Variants in MTHFD1L observed in about 807,000 individuals in gnomAD.
The protein encoded by MTHFD1L is monofunctional C1-tetrahydrofolate synthase, mitochondrial.
In MTHFD1L, 81 loss-of-function variants were observed where a neutral mutation model predicts 119.5. The ratio of observed to expected loss-of-function variants is 0.68; its 90% CI spans 0.57 to 0.82. The LOEUF is 0.82. Ranked by LOEUF, MTHFD1L falls within the 40% of genes least tolerant of loss-of-function variation. The pLI, the probability that MTHFD1L is intolerant of heterozygous loss-of-function variation, is 0.00. For synonymous variants in MTHFD1L, 430 were observed against 475.2 expected, an observed-to-expected ratio of 0.90 and a Z score of 1.24; for missense variants, 1,125 against 1,253.4, an observed-to-expected ratio of 0.90 and a Z score of 1.55.
At position 150,926,077 on chromosome 6, in the gene MTHFD1L, A is replaced by C. The variant is rs1278171225; in HGVS notation, c.1083-45A>C. The C allele has an allele frequency of 4.5e-6, 7 of 1,565,842 alleles. No homozygotes were observed. Among genetic ancestry groups the C allele is most frequent in the Non-Finnish European group, 6.1e-6 (7 of 1,148,530 alleles). On this transcript the variant is annotated intron_variant, in intron 10 of 27. Coordinates refer to ENST00000367321, the MANE Select transcript of MTHFD1L (RefSeq NM_015440.5). This position sits in a 1 kb window ranked among gnomAD's most constrained non-coding sequence, Gnocchi z 4.3. ...GTTTTCACTCCAGTTGTGACCACCT[A>C]AGCTGAGAAGCCTTTTCTCTCTTTC...
intron 21 of MTHFD1L, among the ~76,000 whole-genome samples, chr6:151,012,019 CAAAAAAAAA>C (rs1043831602): frequency 5.4e-4 from 32 of 58,818 alleles, no homozygotes; most frequent in East Asian, 5.1e-3. Context: ...ACAACAACAA[CAAAAAAAAA>C]AAAAAAAAAA....
At chr6:151,066,315 T>C (rs952447870) in intron 26 of MTHFD1L, among the ~76,000 whole-genome samples, 1 of 151,016 alleles carries the variant, frequency 6.6e-6, no homozygotes, top group African/African-American at 2.4e-5. Context: ...CAGGCACCTG[T>C]AGTCCCAGCT....
intron 24 of MTHFD1L, among the ~76,000 whole-genome samples, chr6:151,019,870 G>A (rs541900): frequency 1.3e-5 from 2 of 151,826 alleles, no homozygotes; most frequent in African/African-American, 2.4e-5. Context: ...TCTTTGCCCC[G>A]GATTTCTTGC....
At chr6:151,092,615 CTCTT>C (rs1406827726) in intron 27 of MTHFD1L, 28 bp downstream of exon 27, 7 of 1,426,116 alleles carry the variant, frequency 4.9e-6, no homozygotes, top group East Asian at 2.3e-5. Context: ...AACTTTTTCT[CTCTT>C]TGTTTTTTTC....
chr6:150,956,116 A>G (rs761507097), intron 17 of MTHFD1L, 45 bp downstream of exon 17: 1 of 1,563,700 alleles, frequency 6.4e-7, no homozygotes, highest in South Asian at 1.1e-5. Context: ...TCTTACGTTC[A>G]TTTCTACTGG....
In MTHFD1L at chr6:150,926,364, C is replaced by A; in HGVS notation, c.1256+69C>A. 1 of 1,333,840 alleles carries A rather than the reference C, an allele frequency of 7.5e-7. No individual in the cohort carries two copies. Among genetic ancestry groups the A allele is most frequent in the Non-Finnish European group, 1.0e-6 (1 of 955,148 alleles). 82.6% of individuals were successfully genotyped at this position (1,333,840 alleles called of 1,614,324 possible). On this transcript the variant is annotated intron_variant, in intron 11 of 27. Transcript: ENST00000367321. The surrounding 1 kb of genome is among the most constrained non-coding windows in gnomAD (Gnocchi z 4.3). ...ACAAAACTCTTCCCTATTTATCTCT[C>A]TCCTCGTACCCCTCAATCCATCCTA... is the stretch of plus-strand genomic sequence containing the variant.
chr6:150,919,853 C>A (rs1188726973), intron 9 of MTHFD1L, among the ~76,000 whole-genome samples: 1 of 152,212 alleles, frequency 6.6e-6, no homozygotes, highest in East Asian at 1.9e-4. Flanking sequence ...CAGGGACACA[C>A]ATCCAAACTA....
chr6:151,078,043 ACT>A (rs1462347399), intron 26 of MTHFD1L, among the ~76,000 whole-genome samples: 2 of 85,516 alleles, frequency 2.3e-5, no homozygotes, highest in African/African-American at 4.0e-5. Flanking sequence ...ACAGAGCAAG[ACT>A]CTGTCTCAAA....
intron 26 of MTHFD1L, chr6:151,057,308 G>A: frequency 2.0e-6 from 2 of 985,356 alleles, no homozygotes; most frequent in Non-Finnish European, 2.4e-6. Flanking sequence ...AAAATTGGAG[G>A]CAAAATATAA....
rs371444654 is a variant in MTHFD1L, at chr6:150,971,031, ACATT to A, written c.2014-915_2014-912del. Among the ~76,000 whole-genome samples the A allele has an allele frequency of 3.0e-3, 456 of 152,328 alleles. 1 individual carries two copies. The highest frequency in any genetic ancestry group is 9.7e-3 in the African/African-American group (402 of 41,582). ...GATTCTGTGATTTCTAGCTAAAGCTACATTTATACAAAAATATAAAGTGCTTTTG... is the reference window on the plus strand; with the variant it reads ...GATTCTGTGATTTCTAGCTAAAGCTATATACAAAAATATAAAGTGCTTTTG... On this transcript the variant is annotated intron_variant, in intron 19 of 27. Coordinates refer to ENST00000367321, the MANE Select transcript of MTHFD1L (RefSeq NM_015440.5).
intron 26 of MTHFD1L, among the ~76,000 whole-genome samples, chr6:151,052,208 C>G (rs1325653819): frequency 6.6e-6 from 1 of 152,196 alleles, no homozygotes; most frequent in Non-Finnish European, 1.5e-5. Flanking sequence ...AGTTGGCCAT[C>G]AGACAGTTAG....
At chr6:151,078,512 C>T (rs759622621) in intron 26 of MTHFD1L, among the ~76,000 whole-genome samples, 34 of 152,126 alleles carry the variant, frequency 2.2e-4, no homozygotes, top group Admixed American at 1.6e-3. Context: ...CTTCAGACTG[C>T]GAAAATTGTC....
chr6:150,919,435 G>A (rs1788536049), intron 9 of MTHFD1L, among the ~76,000 whole-genome samples: 1 of 152,088 alleles, frequency 6.6e-6, no homozygotes, highest in Non-Finnish European at 1.5e-5. Context: ...ATGTCGGCCA[G>A]GCTGGTCTCA....
At chr6:151,099,098 C>A (rs1795131857) in intron 27 of MTHFD1L, among the ~76,000 whole-genome samples, 1 of 151,506 alleles carries the variant, frequency 6.6e-6, no homozygotes, top group Admixed American at 6.6e-5. Context: ...ATTGCTTGGA[C>A]CCAGGAGGCG....
At chr6:151,021,986 T>G (rs1416247956) in intron 24 of MTHFD1L, 1 of 471,054 alleles carries the variant, frequency 2.1e-6, no homozygotes, top group Non-Finnish European at 4.4e-6. Context: ...GACAGGATAG[T>G]GTTTGTTTTT....
intron 18 of MTHFD1L, 42 bp downstream of exon 18, chr6:150,960,457 C>T: frequency 6.4e-7 from 1 of 1,561,530 alleles, no homozygotes; most frequent in Non-Finnish European, 8.7e-7. Context: ...GTGGACGGTC[C>T]TCGTTCTTCG....
chr6:151,041,717 C>T (rs561443455), intron 26 of MTHFD1L: 1 of 485,620 alleles, frequency 2.1e-6, no homozygotes, highest in East Asian at 6.1e-5. Context: ...ACCATACAGG[C>T]ACAGAATGCG....
intron 1 of MTHFD1L, chr6:150,866,746 G>A: frequency 9.7e-7 from 1 of 1,026,122 alleles, no homozygotes; most frequent in Non-Finnish European, 1.2e-6. Flanking sequence ...TGGGTTTGCA[G>A]GGTTTTCTGC....
chr6:151,044,537 G>A (rs535722030), intron 26 of MTHFD1L, among the ~76,000 whole-genome samples: 13 of 152,090 alleles, frequency 8.5e-5, no homozygotes, highest in Non-Finnish European at 1.5e-4. Flanking sequence ...TCCTGACCTC[G>A]TGATTCACCT....
Sources: allele counts gnomAD v4.1 joint callset (sites outside exome capture counted in the v4.1 genomes callset), GRCh38; gene constraint gnomAD v4.1.1; non-coding constraint Gnocchi (gnomAD v3.1); transcripts MANE v1.5; gene names NCBI Gene and HGNC (gene_info 2026-07-23, HGNC 2026-07-21).